Variants in TNFAIP6 observed in about 807,000 individuals in gnomAD.
TNFAIP6 encodes tumor necrosis factor-inducible gene 6 protein.
TNFAIP6 carries 36 observed loss-of-function variants against 33.7 expected under a neutral mutation model. That is an observed-to-expected ratio of 1.07 (90% confidence interval 0.82 to 1.41). The LOEUF is 1.41. Ranked by LOEUF, TNFAIP6 falls within the 40% of genes most tolerant of loss-of-function variation. The pLI is 0.00. For synonymous variants in TNFAIP6, 113 were observed against 112.8 expected (o/e 1.00, Z -0.01); for missense variants, 273 against 331.9 (o/e 0.82, Z 1.38).
downstream of TNFAIP6, among the ~76,000 whole-genome samples, chr2:151,380,415 C>T (rs376775797): frequency 6.6e-6 from 1 of 151,818 alleles, no homozygotes; most frequent in South Asian, 2.1e-4. Flanking sequence ...AATTTATTTG[C>T]AATTATACTT....
chr2:151,362,603 G>A (rs955158534), intron 1 of TNFAIP6, among the ~76,000 whole-genome samples: 10 of 139,506 alleles, frequency 7.2e-5, no homozygotes, highest in Admixed American at 5.4e-4. Flanking sequence ...TCATTCTCCT[G>A]CCTCAGCCTC....
chr2:151,369,944 G>A, intron 3 of TNFAIP6, 76 bp from the exon 4 acceptor site: 1 of 1,140,544 alleles, frequency 8.8e-7, no homozygotes, highest in East Asian at 2.4e-5. Context: ...AGATTGCTAA[G>A]AAATGTCATT....
chr2:151,379,253 A>C, intron 5 of TNFAIP6, 111 bp from the exon 6 acceptor site: 1 of 1,007,494 alleles, frequency 9.9e-7, no homozygotes, highest in Non-Finnish European at 1.4e-6. Flanking sequence ...AATTCTGGGA[A>C]TCTTGTTCAT....
intron 4 of TNFAIP6, among the ~76,000 whole-genome samples, chr2:151,370,577 A>G (rs555553163): frequency 2.6e-5 from 4 of 152,262 alleles, no homozygotes; most frequent in South Asian, 2.1e-4. Flanking sequence ...TAGTTAGTCT[A>G]TTTTATAAAC....
intron 3 of TNFAIP6, 138 bp from the exon 4 acceptor site, chr2:151,369,882 A>C (rs988744461): frequency 1.4e-4 from 85 of 625,882 alleles, no homozygotes; most frequent in Non-Finnish European, 3.3e-5. Flanking sequence ...AGCATACATA[A>C]TATACCATAG....
chr2:151,361,398 T>G (rs1437413550), intron 1 of TNFAIP6, among the ~76,000 whole-genome samples: 1 of 152,186 alleles, frequency 6.6e-6, no homozygotes, highest in Non-Finnish European at 1.5e-5. Flanking sequence ...ATTTTTTCCG[T>G]ATACATCACA....
At chr2:151,361,397 G>A (rs561811902) in intron 1 of TNFAIP6, among the ~76,000 whole-genome samples, 4 of 152,104 alleles carry the variant, frequency 2.6e-5, no homozygotes, top group East Asian at 1.9e-4. Context: ...CATTTTTTCC[G>A]TATACATCAC....
In TNFAIP6 at chr2:151,373,547, A is replaced by C. The variant is rs963184598; in HGVS notation, c.624-2A>C. On this transcript the variant is annotated splice_acceptor_variant, in intron 4 of 5. Coordinates refer to ENST00000243347, the MANE Select transcript of TNFAIP6 (RefSeq NM_007115.4). LOFTEE classifies it high-confidence loss of function. ...ATCTCTTTTCTAAAAATTCCTTTTC[A>C]GATACTGTGGAGATGAGCTTCCAGA... 49 of 1,538,386 alleles carry C rather than the reference A, an allele frequency of 3.2e-5. No homozygotes were observed. The highest frequency in any genetic ancestry group is 4.3e-5 in the Non-Finnish European group (49 of 1,136,436).
At chr2:151,377,628 AGT>A (rs1684937935) in intron 5 of TNFAIP6, among the ~76,000 whole-genome samples, 1 of 151,154 alleles carries the variant, frequency 6.6e-6, no homozygotes, top group African/African-American at 2.4e-5. Flanking sequence ...AATTTTTGGT[AGT>A]GTTTTTGAAC....
chr2:151,364,577 A>C (rs899286359), intron 2 of TNFAIP6, among the ~76,000 whole-genome samples: 7 of 152,170 alleles, frequency 4.6e-5, no homozygotes, highest in African/African-American at 9.7e-5. Context: ...TATAAGGAAA[A>C]GGAGGACAGG....
chr2:151,358,583 C>A (rs1684574025), intron 1 of TNFAIP6, among the ~76,000 whole-genome samples: 1 of 152,042 alleles, frequency 6.6e-6, no homozygotes, highest in South Asian at 2.1e-4. Flanking sequence ...AATTGAATTT[C>A]TTGGGGAAAA....
intron 2 of TNFAIP6, among the ~76,000 whole-genome samples, chr2:151,365,725 T>C (rs759673138): frequency 3.3e-5 from 5 of 152,206 alleles, no homozygotes; most frequent in Admixed American, 6.5e-5. Context: ...TTTTTCAAAA[T>C]TGATAATTTC....
At chr2:151,364,586 G>A (rs1684681429) in intron 2 of TNFAIP6, among the ~76,000 whole-genome samples, 1 of 152,170 alleles carries the variant, frequency 6.6e-6, no homozygotes, top group Non-Finnish European at 1.5e-5. Context: ...AAGGAGGACA[G>A]GAAGGTCGTG....
chr2:151,359,578 CAG>C (rs1684590992), intron 1 of TNFAIP6, among the ~76,000 whole-genome samples: 1 of 152,048 alleles, frequency 6.6e-6, no homozygotes, highest in Non-Finnish European at 1.5e-5. Context: ...TTAGTAGAGA[CAG>C]AGTTTCACCA....
intron 5 of TNFAIP6, among the ~76,000 whole-genome samples, chr2:151,379,058 C>G (rs546916254): frequency 6.6e-6 from 1 of 152,096 alleles, no homozygotes; most frequent in South Asian, 2.1e-4. Context: ...CGAGATCGCG[C>G]CACAGCACTC....
intron 2 of TNFAIP6, among the ~76,000 whole-genome samples, chr2:151,365,112 C>T (rs1028602181): frequency 1.3e-5 from 2 of 152,128 alleles, no homozygotes; most frequent in African/African-American, 2.4e-5. Context: ...AATCCCAGCA[C>T]TTTGGACTGC....
intron 3 of TNFAIP6, among the ~76,000 whole-genome samples, chr2:151,366,905 G>A (rs1684722346): frequency 6.6e-6 from 1 of 151,934 alleles, no homozygotes; most frequent in African/African-American, 2.4e-5. Context: ...TTACTATAAA[G>A]AATTATTCTT....
chr2:151,362,412 T>C (rs1482522526), intron 1 of TNFAIP6, among the ~76,000 whole-genome samples: 5 of 151,514 alleles, frequency 3.3e-5, no homozygotes, highest in African/African-American at 1.2e-4. Context: ...ATTTTTCTTT[T>C]CCCTAATTTA....
intron 1 of TNFAIP6, 23 bp downstream of exon 1, chr2:151,357,783 C>G (rs374798868): frequency 7.7e-6 from 11 of 1,421,910 alleles, no homozygotes; most frequent in Non-Finnish European, 1.1e-5. Context: ...ACTCATGAGC[C>G]TCTTGTTGAG....
Sources: gnomAD v4.1 joint callset for allele counts (sites outside exome capture counted in the v4.1 genomes callset) on GRCh38, gnomAD v4.1.1 for gene constraint, MANE v1.5 for transcripts, NCBI Gene and HGNC (gene_info 2026-07-23, HGNC 2026-07-21) for gene names.